Variants in CDK15 observed in about 807,000 individuals in gnomAD.
CDK15 encodes cyclin-dependent kinase 15.
In CDK15, 62 loss-of-function variants were observed where a neutral mutation model predicts 60.3. The observed-to-expected ratio is 1.03, with a 90% CI of 0.84 to 1.27. The LOEUF is 1.27. Among genes scored for constraint, CDK15 ranks in the 50% most tolerant of loss-of-function variants. The pLI, the probability that CDK15 is intolerant of heterozygous loss-of-function variation, is 0.00. For missense variants in CDK15, 541 were observed against 527.8 expected, an observed-to-expected ratio of 1.03 and a Z score of -0.25; for synonymous variants, 194 against 195.7, an observed-to-expected ratio of 0.99 and a Z score of 0.07.
chr2:201,851,092 G>A (rs1053790744), intron 9 of CDK15, among the ~76,000 whole-genome samples: 19 of 151,986 alleles, frequency 1.3e-4, no homozygotes, highest in Non-Finnish European at 2.8e-4. Context: ...AGGAGTTCAA[G>A]ACCAGCCTGG....
At chr2:201,847,314 C>G (rs902851379) in intron 8 of CDK15, 67 bp from the exon 9 acceptor site, 2 of 1,391,490 alleles carry the variant, frequency 1.4e-6, no homozygotes, top group Admixed American at 3.7e-5. Context: ...AAGAGAAATT[C>G]TAGTAGTTCA....
At chr2:201,859,708 G>C (rs1287727808) in intron 10 of CDK15, among the ~76,000 whole-genome samples, 1 of 152,166 alleles carries the variant, frequency 6.6e-6, no homozygotes, top group African/African-American at 2.4e-5. Context: ...CCTAAACTAA[G>C]CATCTGAAGG....
At position 201,895,177 on chromosome 2, in the gene CDK15, A is replaced by G. The variant is rs931953137; in HGVS notation, c.*1910A>G. The G allele has an allele frequency of 2.6e-5, 4 of 152,192 alleles. No individual in the cohort carries two copies. The highest frequency in any genetic ancestry group is 9.7e-5 in the African/African-American group (4 of 41,444). 9.4% of individuals were successfully genotyped at this position (152,192 alleles called of 1,614,324 possible). ...TATGAGAGCTATAGGAGGGATTCCC[A>G]TGTTGGAGGTTAGAAGAGCTGACCT... On this transcript the variant is annotated 3_prime_UTR_variant, in exon 14 of 14. Coordinates refer to ENST00000652192, the MANE Select transcript of CDK15 (RefSeq NM_001366386.2).
At chr2:201,859,109 G>T (rs756964850) in intron 10 of CDK15, among the ~76,000 whole-genome samples, 1 of 152,158 alleles carries the variant, frequency 6.6e-6, no homozygotes, top group Admixed American at 6.6e-5. Context: ...TGGGGGAGGG[G>T]AGAGAGTTTG....
chr2:201,835,733 C>A lies in CDK15; in HGVS notation c.821C>A (p.Ala274Asp). 1 of 1,609,488 alleles carries A rather than the reference C, an allele frequency of 6.2e-7. No homozygotes were observed. Among genetic ancestry groups the A allele is most frequent in the Non-Finnish European group, 8.5e-7 (1 of 1,177,120 alleles). Residue 274 changes from alanine (A) to aspartate (D), a missense_variant, in exon 8 of 14, where the codon GCC (alanine) becomes GAC (aspartate). By Grantham distance (126) the Ala-to-Asp change is moderately radical (BLOSUM62 -2). Transcript: ENST00000652192. ...CGGCCCCCTGATGCTTTGCTGGGAGCCACTGAATATTCCTCTGAGCTGGAC... is the reference window on the plus strand; with the variant it reads ...CGGCCCCCTGATGCTTTGCTGGGAGACACTGAATATTCCTCTGAGCTGGAC... ...WYRPPDALLG[A>D]TEYSSELDIW...
At chr2:201,822,967 G>A (rs1696300651) in intron 5 of CDK15, 64 bp downstream of exon 5, 1 of 942,054 alleles carries the variant, frequency 1.1e-6, no homozygotes, top group Non-Finnish European at 1.7e-6. Flanking sequence ...TAATGAATCT[G>A]TTAATATTTT....
At chr2:201,893,276 G>C (rs1699692861) in intron 13 of CDK15, 25 bp from the exon 14 acceptor site, 3 of 152,028 alleles carry the variant, frequency 2.0e-5, no homozygotes, top group Non-Finnish European at 2.9e-5. Context: ...TATTTTGATT[G>C]TGTTTATTTT....
At chr2:201,825,866 A>G (rs1267807701) in intron 6 of CDK15, among the ~76,000 whole-genome samples, 1 of 152,214 alleles carries the variant, frequency 6.6e-6, no homozygotes, top group East Asian at 1.9e-4. Context: ...GCTTGCTGAT[A>G]GTTATGAAGA....
intron 4 of CDK15, among the ~76,000 whole-genome samples, chr2:201,816,155 G>A (rs1417257893): frequency 1.3e-5 from 2 of 152,094 alleles, no homozygotes; most frequent in Non-Finnish European, 2.9e-5. Flanking sequence ...GATTCAAGGG[G>A]TACATGTCCA....
At chr2:201,822,013 C>T (rs546772289) in intron 4 of CDK15, among the ~76,000 whole-genome samples, 21 of 152,184 alleles carry the variant, frequency 1.4e-4, no homozygotes, top group Admixed American at 3.3e-4. Flanking sequence ...TTTCTAGTCT[C>T]TGCTTTCCTG....
intron 10 of CDK15, among the ~76,000 whole-genome samples, chr2:201,855,435 A>G (rs1383900448): frequency 6.6e-6 from 1 of 152,202 alleles, no homozygotes; most frequent in Non-Finnish European, 1.5e-5. Context: ...ACACTTGGTC[A>G]TTGTCTCTCA....
At chr2:201,887,855 T>C (rs1188466619) in intron 12 of CDK15, among the ~76,000 whole-genome samples, 1 of 152,152 alleles carries the variant, frequency 6.6e-6, no homozygotes, top group Admixed American at 6.6e-5. Context: ...AAGATATGAA[T>C]TCTCTATACA....
At chr2:201,836,036 T>A (rs866137004) in intron 8 of CDK15, among the ~76,000 whole-genome samples, 7 of 76,136 alleles carry the variant, frequency 9.2e-5, no homozygotes, top group South Asian at 4.7e-4. Flanking sequence ...TTATATATAT[T>A]TTATATATAT....
intron 1 of CDK15, among the ~76,000 whole-genome samples, chr2:201,807,157 C>G: frequency 6.6e-6 from 1 of 151,758 alleles, no homozygotes; most frequent in East Asian, 1.9e-4. Context: ...ATTAGCAATG[C>G]CATAGATTAT....
chr2:201,886,254 C>T (rs80223027), intron 12 of CDK15, among the ~76,000 whole-genome samples: 4,565 of 152,130 alleles, frequency 0.03, 142 homozygotes, highest in East Asian at 0.12. Context: ...TCCTCAATGC[C>T]ATCTTACTTT....
At chr2:201,860,444 A>C (rs1698342234) in intron 10 of CDK15, among the ~76,000 whole-genome samples, 1 of 152,230 alleles carries the variant, frequency 6.6e-6, no homozygotes, top group Admixed American at 6.5e-5. Flanking sequence ...AAAGAAGGGA[A>C]TAGGGTCCAC....
chr2:201,887,134 T>C (rs1699478485), intron 12 of CDK15, among the ~76,000 whole-genome samples: 1 of 152,200 alleles, frequency 6.6e-6, no homozygotes, highest in Non-Finnish European at 1.5e-5. Context: ...AGAGAAACAA[T>C]TGGACAAATG....
At chr2:201,866,304 A>C (rs555987357) in intron 10 of CDK15, among the ~76,000 whole-genome samples, 117 of 152,140 alleles carry the variant, frequency 7.7e-4, no homozygotes, top group Non-Finnish European at 1.3e-3. Context: ...TGAGACTCAG[A>C]ATGGTGCAGT....
chr2:201,847,593 G>T lies in CDK15; in HGVS notation c.945+119G>T. 3 of 820,294 alleles carry T rather than the reference G, an allele frequency of 3.7e-6. No homozygotes were observed. In the Admixed American group the frequency reaches 7.3e-5, roughly 20 times the overall value. 50.8% of individuals were successfully genotyped at this position (820,294 alleles called of 1,614,324 possible). ...TCTGAGATATTAAGCCCTATATTAAGATTGTAGAAACTGTAGCATTTGCCA... is the reference window on the plus strand; with the variant it reads ...TCTGAGATATTAAGCCCTATATTAATATTGTAGAAACTGTAGCATTTGCCA... On this transcript the variant is annotated intron_variant, in intron 9 of 13. Coordinates refer to ENST00000652192, the MANE Select transcript of CDK15 (RefSeq NM_001366386.2).
Sources: allele counts gnomAD v4.1 joint callset (sites outside exome capture counted in the v4.1 genomes callset), GRCh38; gene constraint gnomAD v4.1.1; transcripts MANE v1.5; gene names NCBI Gene and HGNC (gene_info 2026-07-23, HGNC 2026-07-21).